Variants in AMPD1 observed in about 807,000 individuals in gnomAD.
AMPD1 encodes AMP deaminase 1.
AMPD1 carries 74 observed loss-of-function variants against 82.9 expected under a neutral mutation model. That is an observed-to-expected ratio of 0.89 (90% CI 0.74 to 1.08). The LOEUF is 1.08. AMPD1 is among the 50% of genes least tolerant of loss of function. The probability of loss-of-function intolerance (pLI) is 0.00; values close to 1 mark genes in which losing one functional copy is unlikely to be tolerated. For missense variants in AMPD1, 881 were observed against 924.5 expected (o/e 0.95, Z 0.61); for synonymous variants, 333 against 320.5 (o/e 1.04, Z -0.42).
Position 114,680,378 on chromosome 1 carries a change from G to A in AMPD1, c.648C>T (p.Tyr216=), listed in dbSNP as rs762347762. Residue 216 remains tyrosine, a synonymous_variant, in exon 6 of 16, where the codon TAC becomes TAT. Transcript: ENST00000520113. ...YHLKMKDGVV[Y]VYPNEAAVSK... The stretch of plus-strand genomic sequence containing the variant: ...TGACTGCTGCTTCATTAGGATAGAC[G>A]TAAACTACACCGTCCTTCATTTTGA... 1.9e-6 allele frequency: 3 copies of A among 1,614,174 alleles called. No individual in the cohort carries two copies. Among genetic ancestry groups the A allele is most frequent in the Admixed American group, 3.3e-5 (2 of 60,024 alleles).
intron 6 of AMPD1, 128 bp from the exon 7 acceptor site, chr1:114,679,836 C>A: frequency 1.8e-6 from 2 of 1,137,506 alleles, no homozygotes; most frequent in South Asian, 2.6e-5. Context: ...TTTTAGTTTA[C>A]TCTGCAGTTA....
In AMPD1 at chr1:114,673,242, G is replaced by A; in HGVS notation, c.2116C>T (p.Leu706Phe). The change falls in exon 16 of 16, where the codon CTT becomes TTT. Residue 706 changes from leucine to phenylalanine, a missense_variant. Leu to Phe is a conservative substitution (Grantham distance 22). Around this residue, in one of 2 missense-constraint regions of AMPD1, gnomAD observed 98 missense variants for 138.1 expected, o/e 0.71. Transcript: ENST00000520113. ...TCATTTCCAGCAGGGCCTTCCTCAA[G>A]GTAATTGTCGCCCAGAAACTTTACT... ...EKVKFLGDNY[L>F]EEGPAGNDIR... is the part of the protein sequence containing the mutation. 5 of 1,614,122 alleles carry A rather than the reference G, an allele frequency of 3.1e-6. No individual in the cohort carries two copies. The highest frequency in any genetic ancestry group is 4.2e-6 in the Non-Finnish European group (5 of 1,179,998).
intron 15 of AMPD1, 124 bp from the exon 16 acceptor site, chr1:114,673,396 A>G (rs1657888953): frequency 3.4e-6 from 4 of 1,180,422 alleles, no homozygotes; most frequent in Non-Finnish European, 4.9e-6. Flanking sequence ...ATAATAATAG[A>G]CCATTAAAAG....
At chr1:114,687,225 C>T (rs1658348986) in intron 3 of AMPD1, among the ~76,000 whole-genome samples, 2 of 152,070 alleles carry the variant, frequency 1.3e-5, no homozygotes, top group Admixed American at 6.5e-5. Flanking sequence ...AAAACACAGG[C>T]TATGTCAGTT....
In AMPD1 at chr1:114,675,959, A is replaced by AT; in HGVS notation, c.1432dup (p.Met478AsnfsTer11). ...CACTGGCATGAAAATATTCTCCAGCATTTTTCCAAAATGTGGAAGGAAATT... is the reference window on the plus strand; with the variant it reads ...CACTGGCATGAAAATATTCTCCAGCATTTTTTCCAAAATGTGGAAGGAAATT... On this transcript the variant is annotated frameshift_variant, in exon 11 of 16. Coordinates refer to ENST00000520113, the MANE Select transcript of AMPD1 (RefSeq NM_000036.3). LOFTEE classifies it high-confidence loss of function. 1 of 1,614,074 alleles carries AT rather than the reference A, an allele frequency of 6.2e-7. No homozygotes were observed. Among genetic ancestry groups the AT allele is most frequent in the Non-Finnish European group, 8.5e-7 (1 of 1,179,990 alleles).
chr1:114,673,881 G>A, intron 14 of AMPD1, 28 bp downstream of exon 14: 2 of 1,610,970 alleles, frequency 1.2e-6, no homozygotes, highest in Non-Finnish European at 1.7e-6. Flanking sequence ...AGCAAAATAT[G>A]CTTGTATTGC....
At chr1:114,687,107 T>C (rs1481271941) in intron 3 of AMPD1, 197 bp from the exon 4 acceptor site, 4 of 646,492 alleles carry the variant, frequency 6.2e-6, no homozygotes, top group African/African-American at 5.4e-5. Flanking sequence ...CCCCTCTCCC[T>C]GGTCTACCTT....
At chr1:114,686,676 C>G in intron 4 of AMPD1, 69 bp downstream of exon 4, 1 of 1,546,398 alleles carries the variant, frequency 6.5e-7, no homozygotes, top group East Asian at 2.2e-5. Flanking sequence ...GAGAAGAAGG[C>G]AAGGAGCTAG....
intron 2 of AMPD1, among the ~76,000 whole-genome samples, chr1:114,693,105 A>G (rs991613543): frequency 6.8e-6 from 1 of 147,370 alleles, no homozygotes; most frequent in South Asian, 2.2e-4. Context: ...ATCCTGGGTG[A>G]CCATCCATCT....
chr1:114,695,546 C>T lies in AMPD1; in HGVS notation c.-75G>A. The T allele has an allele frequency of 6.2e-7, 1 of 1,614,122 alleles. No individual in the cohort carries two copies. ...AGGAGACTGTGGGGTGACTGACTGA[C>T]ACTATAAAATATCCTGACATTCATT... On this transcript the variant is annotated 5_prime_UTR_variant, in exon 1 of 16. Coordinates refer to ENST00000520113, the MANE Select transcript of AMPD1 (RefSeq NM_000036.3).
At chr1:114,686,477 A>C (rs1019900371) in intron 4 of AMPD1, among the ~76,000 whole-genome samples, 6 of 152,304 alleles carry the variant, frequency 3.9e-5, no homozygotes, top group South Asian at 4.1e-4. Flanking sequence ...AAATCTGTCC[A>C]TTGTATTCTG....
chr1:114,673,215 T>A lies in AMPD1; in HGVS notation c.2143A>T (p.Ile715Phe). 1 of 1,614,188 alleles carries A rather than the reference T, an allele frequency of 6.2e-7. No individual in the cohort carries two copies. Among genetic ancestry groups the A allele is most frequent in the Non-Finnish European group, 8.5e-7 (1 of 1,180,014 alleles). ...YLEEGPAGND[I>F]RRTNVAQIRM... is the part of the protein sequence containing the mutation. ...ATTTGGGCTACATTTGTCCTCCGGATATCATTTCCAGCAGGGCCTTCCTCA... is the reference window on the plus strand; with the variant it reads ...ATTTGGGCTACATTTGTCCTCCGGAAATCATTTCCAGCAGGGCCTTCCTCA... Residue 715 changes from isoleucine to phenylalanine, a missense_variant, in exon 16 of 16, where the codon ATC becomes TTC. Physicochemically the swap from Ile to Phe is conservative, Grantham distance 21. Coordinates refer to ENST00000520113, the MANE Select transcript of AMPD1 (RefSeq NM_000036.3).
At chr1:114,676,565 T>C (rs1657987666) in intron 10 of AMPD1, among the ~76,000 whole-genome samples, 1 of 152,220 alleles carries the variant, frequency 6.6e-6, no homozygotes, top group African/African-American at 2.4e-5. Context: ...CACAGCTAAA[T>C]GGTTGTGTTA....
At position 114,677,833 on chromosome 1, in the gene AMPD1, C is replaced by A. The variant is rs542991562; in HGVS notation, c.1224+77G>T. On this transcript the variant is annotated intron_variant, in intron 9 of 15. Coordinates refer to ENST00000520113, the MANE Select transcript of AMPD1 (RefSeq NM_000036.3). ...TCCTTCCTTCCTTCCTTCCTTCCTT[C>A]CTTCCTTCCTTCCTTCCTTCTTCCC... The A allele has an allele frequency of 3.3e-4, 405 of 1,245,538 alleles. 2 individuals carry two copies. In the African/African-American group the frequency reaches 6.0e-3, roughly 18 times the overall value. The allele number at this position is 1,245,538 out of a possible 1,614,324, so 77.2% of individuals were successfully genotyped here. A position where few individuals can be genotyped will look rare whatever the true frequency, so the allele number is the denominator to read the frequency against.
rs754860139 is a variant in AMPD1 at position 114,684,340 on chromosome 1, C to G, written c.406G>C (p.Val136Leu). ...SGVTVEDFEI[V>L]CKGLYRALCI... ...AGTGCCCGATACAGACCTTTGCAAA[C>G]AATTTCAAAATCTTCAACTGTAACC... The change falls in exon 5 of 16, where the codon GTT becomes CTT. Residue 136 changes from valine to leucine, a missense_variant. Physicochemically the swap from Val to Leu is conservative, Grantham distance 32. Transcript: ENST00000520113. The G allele has an allele frequency of 6.2e-7, 1 of 1,611,348 alleles. No homozygotes were observed. Among genetic ancestry groups the G allele is most frequent in the Non-Finnish European group, 8.5e-7 (1 of 1,179,138 alleles).
chr1:114,679,207 C>T lies in AMPD1; in HGVS notation c.897+372G>A, dbSNP rs1298299297. On this transcript the variant is annotated intron_variant, in intron 7 of 15. Transcript: ENST00000520113. ...GTTCCCAATTTGACAAATGAAGACA[C>T]TGAAATGAAAATATGTCATCCCTTC... Among the ~76,000 whole-genome samples the T allele has an allele frequency of 2.0e-5, 3 of 152,118 alleles. No individual in the cohort carries two copies. In the East Asian group the frequency reaches 5.8e-4, roughly 29 times the overall value.
chr1:114,676,833 A>T (rs933766571), intron 10 of AMPD1, among the ~76,000 whole-genome samples: 1 of 152,214 alleles, frequency 6.6e-6, no homozygotes, highest in Non-Finnish European at 1.5e-5. Flanking sequence ...AAGAGAAGCC[A>T]TCCCTGAAGG....
intron 1 of AMPD1, 71 bp from the exon 2 acceptor site, chr1:114,693,518 C>T: frequency 6.5e-6 from 9 of 1,389,012 alleles, no homozygotes; most frequent in Non-Finnish European, 9.2e-6. Flanking sequence ...CTATTAATCA[C>T]TGCTTTGGGG....
chr1:114,694,243 G>A (rs1043055686), intron 1 of AMPD1, among the ~76,000 whole-genome samples: 6 of 150,320 alleles, frequency 4.0e-5, no homozygotes, highest in African/African-American at 7.3e-5. Context: ...AAACAAAAAC[G>A]AACAAACAAA....
Sources: gnomAD v4.1 joint callset for allele counts (sites outside exome capture counted in the v4.1 genomes callset) on GRCh38, gnomAD v4.1.1 for gene constraint, gnomAD v4.1.1 regional missense constraint, MANE v1.5 for transcripts, NCBI Gene and HGNC (gene_info 2026-07-23, HGNC 2026-07-21) for gene names.